Variants in NHS observed in about 807,000 individuals in gnomAD.
NHS encodes the protein NHS actin remodeling regulator.
NHS carries 5 observed loss-of-function variants against 72.5 expected under a neutral mutation model. That is an observed-to-expected ratio of 0.07 (90% CI 0.04 to 0.14). The LOEUF (loss-of-function observed/expected upper bound fraction) is 0.14. Among genes scored for constraint, NHS ranks in the 10% least tolerant of loss-of-function variants. The probability of loss-of-function intolerance (pLI) is 1.00; values close to 1 mark genes in which losing one functional copy is unlikely to be tolerated. For missense variants in NHS, 1,072 were observed against 1,355.7 expected (o/e 0.79, Z 3.29); for synonymous variants, 464 against 547.7 (o/e 0.85, Z 2.13).
rs899842389 is a variant in NHS, at chrX:17,723,781, G to A, written c.1109-518G>A. On this transcript the variant is annotated intron_variant, in intron 5 of 8. Coordinates refer to ENST00000676302, the MANE Select transcript of NHS (RefSeq NM_001291867.2). ...TGTGTGTGTGTGTGTGCGCGCGCGT[G>A]CGCGCATGGGGAATGCAAGAAGGTT... Among the ~76,000 whole-genome samples the A allele has an allele frequency of 1.9e-3, 190 of 102,459 alleles. 2 individuals are homozygous for A. The highest frequency in any genetic ancestry group is 6.2e-3 in the African/African-American group (160 of 25,781). The allele number at this position is 102,459 out of a possible 115,157, so 89.0% of individuals were successfully genotyped here. A position where few individuals can be genotyped will look rare whatever the true frequency, so the allele number is the denominator to read the frequency against.
intron 1 of NHS, among the ~76,000 whole-genome samples, chrX:17,671,973 C>T (rs1022341703): frequency 1.1e-4 from 12 of 111,719 alleles, no homozygotes; most frequent in Non-Finnish European, 2.3e-4. Flanking sequence ...TCTAACTGCA[C>T]TCTTGCCATC....
chrX:17,589,669 T>A (rs1048925564), intron 1 of NHS, among the ~76,000 whole-genome samples: 3 of 111,174 alleles, frequency 2.7e-5, no homozygotes, highest in Non-Finnish European at 5.6e-5. Flanking sequence ...CTTTTTCATA[T>A]GACTTATTTT....
At chrX:17,509,486 C>T (rs946269328) in intron 1 of NHS, among the ~76,000 whole-genome samples, 1 of 112,253 alleles carries the variant, frequency 8.9e-6, no homozygotes, top group Non-Finnish European at 1.9e-5. Flanking sequence ...CTTGGTCCCC[C>T]AAAGTGCTGG....
chrX:17,635,592 A>G, intron 1 of NHS: 1 of 1,166,999 alleles, frequency 8.6e-7, no homozygotes, highest in Non-Finnish European at 1.1e-6. Flanking sequence ...TGCATGCCCA[A>G]GAATGCAGGT....
rs143296648 is a variant in NHS, at chrX:17,732,215, G to A, written c.4707G>A (p.Gly1569=). 2.5e-6 allele frequency: 3 copies of A among 1,210,043 alleles called. No individual in the cohort carries two copies. The highest frequency in any genetic ancestry group is 1.8e-5 in the African/African-American group (1 of 57,111). The change falls in exon 9 of 9, where the codon GGG becomes GGA. Residue 1569 remains glycine (G), a synonymous_variant. Transcript: ENST00000676302. ...STDDAHQGSQ[G]AEALSPLSPC... is the part of the protein sequence containing the mutation. ...ATGATGCCCATCAGGGGTCACAAGG[G>A]GCTGAGGCATTGTCCCCACTCTCTC... is the stretch of plus-strand genomic sequence containing the variant.
chrX:17,723,768 T>TGTGTGTGTGTGTGTGC (rs1556037799), intron 5 of NHS, among the ~76,000 whole-genome samples: 1 of 93,995 alleles, frequency 1.1e-5, no homozygotes, highest in Non-Finnish European at 2.0e-5. Context: ...TGTGTGTGTG[T>TGTGTGTGTGTGTGTGC]GTGCGCGCGC....
chrX:17,388,716 A>G (rs766212929), intron 1 of NHS, among the ~76,000 whole-genome samples: 1 of 110,010 alleles, frequency 9.1e-6, no homozygotes, highest in East Asian at 2.9e-4. Flanking sequence ...GTGGGTAGTC[A>G]TTGAAGGCTT....
intron 1 of NHS, among the ~76,000 whole-genome samples, chrX:17,602,903 T>C (rs762348495): frequency 8.6e-5 from 9 of 104,743 alleles, no homozygotes; most frequent in Non-Finnish European, 2.0e-5. Flanking sequence ...TGCAGTGCTG[T>C]GGTCATAGCT....
intron 1 of NHS, among the ~76,000 whole-genome samples, chrX:17,383,840 TG>T (rs1236309187): frequency 1.8e-5 from 2 of 112,176 alleles, no homozygotes; most frequent in African/African-American, 6.5e-5. Context: ...ATCCCTGTCT[TG>T]GCATGGGAGA....
rs946367915 is a variant in NHS at position 17,465,974 on chromosome X, A to G, written c.565+89652A>G. Among the ~76,000 whole-genome samples the G allele has an allele frequency of 4.4e-5, 5 of 113,115 alleles. No individual in the cohort carries two copies. In the East Asian group the frequency reaches 8.4e-4, roughly 19 times the overall value. ...ATAACGGAATTTGAATGTCTAGCAT[A>G]TGGTGATTAGCTGGGACACTGGGTG... On this transcript the variant is annotated intron_variant, in intron 1 of 8. Coordinates refer to ENST00000676302, the MANE Select transcript of NHS (RefSeq NM_001291867.2).
At chrX:17,587,558 G>A (rs185811537) in intron 1 of NHS, among the ~76,000 whole-genome samples, 115 of 112,169 alleles carry the variant, frequency 1.0e-3, no homozygotes, top group African/African-American at 3.2e-3. Context: ...TGCTAATTAC[G>A]CAATTGTGCG....
At chrX:17,608,603 G>A (rs1461402814) in intron 1 of NHS, among the ~76,000 whole-genome samples, 1 of 111,370 alleles carries the variant, frequency 9.0e-6, no homozygotes, top group East Asian at 2.8e-4. Flanking sequence ...GGCTTCCCAG[G>A]GAGAAGGAGC....
At chrX:17,441,158 C>T (rs1388805926) in intron 1 of NHS, among the ~76,000 whole-genome samples, 3 of 112,376 alleles carry the variant, frequency 2.7e-5, no homozygotes, top group African/African-American at 9.7e-5. Flanking sequence ...AGATGGCAGA[C>T]GTTGGGGAAG....
rs779901764 is a variant in NHS at position 17,725,395 on chromosome X, C to G, written c.1289C>G (p.Thr430Arg). 8.3e-7 allele frequency: 1 copy of G among 1,205,049 alleles called. No homozygotes were observed. The highest frequency in any genetic ancestry group is 3.0e-5 in the East Asian group (1 of 33,588). Residue 430 changes from threonine (T) to arginine (R), a missense_variant, in exon 7 of 9, where the codon ACA becomes AGA. Physicochemically the swap from Thr to Arg is moderately conservative, Grantham distance 71. Coordinates refer to ENST00000676302, the MANE Select transcript of NHS (RefSeq NM_001291867.2). ...VARERNVIVH[T>R]NPDPSNTVNR... ...AGGGAAAGGAATGTGATTGTGCACA[C>G]AAACCCAGACCCCTCCAACACTGTC... is the stretch of plus-strand genomic sequence containing the variant.
intron 1 of NHS, among the ~76,000 whole-genome samples, chrX:17,522,642 C>A (rs1432182918): frequency 1.2e-5 from 1 of 81,220 alleles, no homozygotes; most frequent in African/African-American, 4.7e-5. Flanking sequence ...GATTTCAGTT[C>A]AGGCCTGGCT....
At chrX:17,380,546 T>C (rs1281257684) in intron 1 of NHS, among the ~76,000 whole-genome samples, 1 of 109,968 alleles carries the variant, frequency 9.1e-6, no homozygotes, top group Non-Finnish European at 1.9e-5. Flanking sequence ...AGAGACAGGG[T>C]TTCGCCATGT....
chrX:17,419,958 T>C (rs770941377), intron 1 of NHS, among the ~76,000 whole-genome samples: 1 of 112,024 alleles, frequency 8.9e-6, no homozygotes, highest in Non-Finnish European at 1.9e-5. Context: ...GATTTTTCCA[T>C]TTCCATTGTA....
chrX:17,669,840 C>A (rs1388554814), intron 1 of NHS, among the ~76,000 whole-genome samples: 1 of 112,189 alleles, frequency 8.9e-6, no homozygotes, highest in African/African-American at 3.2e-5. Flanking sequence ...ACAACCCACC[C>A]CAAAGCCCCA....
chrX:17,712,393 C>CACACACACATAT (rs1301774080), intron 3 of NHS, among the ~76,000 whole-genome samples: 1 of 81,440 alleles, frequency 1.2e-5, no homozygotes, highest in African/African-American at 5.2e-5. Flanking sequence ...CACACACACA[C>CACACACACATAT]ATATATATAT....
Sources: gnomAD v4.1 joint callset for allele counts (sites outside exome capture counted in the v4.1 genomes callset) on GRCh38, gnomAD v4.1.1 for gene constraint, MANE v1.5 for transcripts, NCBI Gene and HGNC (gene_info 2026-07-23, HGNC 2026-07-21) for gene names.